Variants in DGKG observed in about 807,000 individuals in gnomAD.
DGKG encodes the protein DAG kinase gamma.
In DGKG, 78 loss-of-function variants were observed where a neutral mutation model predicts 105.3. The observed-to-expected ratio is 0.74, with a 90% CI of 0.62 to 0.89. The LOEUF (loss-of-function observed/expected upper bound fraction) is 0.89, where lower values mean the gene tolerates loss of function less well. DGKG is among the 40% of genes least tolerant of loss of function. The pLI, the probability that DGKG is intolerant of heterozygous loss-of-function variation, is 0.00. For missense variants in DGKG, 958 were observed against 1,020.1 expected, an observed-to-expected ratio of 0.94 and a Z score of 0.83; for synonymous variants, 346 against 367.1, an observed-to-expected ratio of 0.94 and a Z score of 0.66.
intron 1 of DGKG, among the ~76,000 whole-genome samples, chr3:186,339,449 G>C (rs1725985275): frequency 6.6e-6 from 1 of 152,110 alleles, no homozygotes; most frequent in African/African-American, 2.4e-5. Context: ...CCGGAGAGAG[G>C]AACTACTAAA....
At chr3:186,161,963 T>G (rs1302328707) in intron 23 of DGKG, among the ~76,000 whole-genome samples, 1 of 152,008 alleles carries the variant, frequency 6.6e-6, no homozygotes, top group Admixed American at 6.6e-5. Flanking sequence ...GGCATGATCT[T>G]GGCTCACTGC....
chr3:186,316,841 G>A (rs981379325), intron 2 of DGKG, among the ~76,000 whole-genome samples: 1 of 152,244 alleles, frequency 6.6e-6, no homozygotes, highest in Non-Finnish European at 1.5e-5. Context: ...TGTTTATGTG[G>A]TTACGGAAGA....
Position 186,275,538 on chromosome 3 carries a change from T to C in DGKG, c.910+9A>G. The C allele has an allele frequency of 6.8e-6, 11 of 1,611,958 alleles. No individual in the cohort carries two copies. Among genetic ancestry groups the C allele is most frequent in the Non-Finnish European group, 9.3e-6 (11 of 1,178,080 alleles). On this transcript the variant is annotated intron_variant, in intron 10 of 24. Transcript: ENST00000265022. ...CCTGGGGGAAGAGGTTTGAAGGAAATTTACTCACAAGTGCAGCACAGGCCT... is the reference window on the plus strand; with the variant it reads ...CCTGGGGGAAGAGGTTTGAAGGAAACTTACTCACAAGTGCAGCACAGGCCT...
intron 1 of DGKG, among the ~76,000 whole-genome samples, chr3:186,353,183 A>G (rs1726719419): frequency 6.6e-6 from 1 of 152,046 alleles, no homozygotes; most frequent in Non-Finnish European, 1.5e-5. Flanking sequence ...CCTAGGTCCA[A>G]TACCTTCCCA....
At position 186,284,252 on chromosome 3, in the gene DGKG, G is replaced by C. The variant is rs1023969605; in HGVS notation, c.594+408C>G. On this transcript the variant is annotated intron_variant, in intron 7 of 24. Coordinates refer to ENST00000265022, the MANE Select transcript of DGKG (RefSeq NM_001346.3). The surrounding 1 kb of genome is among the most constrained non-coding windows in gnomAD (Gnocchi z 4.0). ...GCAGTAACCAGCAGCCTCCTTCCTT[G>C]CACATCAACAGTAACCAGCAGCCTC... Among the ~76,000 whole-genome samples the C allele has an allele frequency of 6.6e-6, 1 of 152,062 alleles. No homozygotes were observed. Among genetic ancestry groups the C allele is most frequent in the Non-Finnish European group, 1.5e-5 (1 of 68,006 alleles).
intron 22 of DGKG, among the ~76,000 whole-genome samples, chr3:186,182,004 A>AGGG (rs1717381108): frequency 6.6e-6 from 1 of 152,244 alleles, no homozygotes; most frequent in Non-Finnish European, 1.5e-5. Context: ...ATAGCTCCCC[A>AGGG]GGACTTTGCT....
At chr3:186,307,939 T>C (rs539509382) in intron 2 of DGKG, among the ~76,000 whole-genome samples, 2 of 151,472 alleles carry the variant, frequency 1.3e-5, no homozygotes, top group East Asian at 3.9e-4. Flanking sequence ...ATTGAGCTAC[T>C]CATTCTGACA....
chr3:186,149,236 G>GT lies in DGKG; in HGVS notation c.*853dup, dbSNP rs112666920. ...TTGAAAAAGAAAGAAGCTGGGGGTG[G>GT]TTTTTTTTTTCCTTCCCTTTTTACA... On this transcript the variant is annotated 3_prime_UTR_variant, in exon 25 of 25. Transcript: ENST00000265022. 2.3e-3 allele frequency: 2,072 copies of GT among 905,910 alleles called. No individual in the cohort carries two copies. Among genetic ancestry groups the GT allele is most frequent in the South Asian group, 3.1e-3 (61 of 19,610 alleles). 56.1% of individuals were successfully genotyped at this position (905,910 alleles called of 1,614,324 possible).
Position 186,313,423 on chromosome 3 carries a change from G to A in DGKG, c.68-6446C>T, listed in dbSNP as rs970412448. 1.3e-5 allele frequency: 11 copies of A among 850,152 alleles called. No homozygotes were observed. The South Asian group carries it at 3.8e-4, about 29-fold the overall frequency. The allele number at this position is 850,152 out of a possible 1,614,324, so 52.7% of individuals were successfully genotyped here. A position where few individuals can be genotyped will look rare whatever the true frequency, so the allele number is the denominator to read the frequency against. ...TTGTCATAAATGATCTGAATCACTG[G>A]TATGACTTATTTGTGTAAGTAAAAT... On this transcript the variant is annotated intron_variant, in intron 2 of 24. Transcript: ENST00000265022.
intron 12 of DGKG, 103 bp from the exon 13 acceptor site, chr3:186,267,880 C>G: frequency 9.9e-7 from 1 of 1,009,888 alleles, no homozygotes; most frequent in Non-Finnish European, 1.5e-6. Context: ...TAGTGCTCCC[C>G]CAAATCCTGA....
At chr3:186,161,211 AAG>A in intron 24 of DGKG, 1 of 994,440 alleles carries the variant, frequency 1.0e-6, no homozygotes, top group Non-Finnish European at 1.2e-6. Flanking sequence ...GCTTCCACGT[AAG>A]GAAGCAATTT....
intron 22 of DGKG, among the ~76,000 whole-genome samples, chr3:186,166,627 ATGTGTGTGTGTG>A (rs5855082): frequency 6.7e-6 from 1 of 149,808 alleles, no homozygotes; most frequent in Non-Finnish European, 1.5e-5. Flanking sequence ...TGGGCTATAA[ATGTGTGTGTGTG>A]TGTGTGTGTG....
intron 1 of DGKG, among the ~76,000 whole-genome samples, chr3:186,332,755 A>G (rs915078274): frequency 6.6e-6 from 1 of 152,208 alleles, no homozygotes; most frequent in Non-Finnish European, 1.5e-5. Context: ...TCCAAAATTC[A>G]TGTTGAAATT....
chr3:186,271,461 T>A (rs1057480634), intron 11 of DGKG, among the ~76,000 whole-genome samples: 8 of 152,192 alleles, frequency 5.3e-5, no homozygotes, highest in African/African-American at 1.9e-4. Flanking sequence ...GCAGTGAGTG[T>A]GGATCCCACC....
At chr3:186,291,595 A>AT (rs1300984811) in intron 5 of DGKG, among the ~76,000 whole-genome samples, 1 of 152,360 alleles carries the variant, frequency 6.6e-6, no homozygotes, top group East Asian at 1.9e-4. Flanking sequence ...TACAAAATGG[A>AT]TAAATCTCAA....
chr3:186,244,121 C>T (rs911032579), intron 19 of DGKG, among the ~76,000 whole-genome samples: 1 of 151,834 alleles, frequency 6.6e-6, no homozygotes, highest in East Asian at 1.9e-4. Flanking sequence ...GGTCTCGAAC[C>T]TCAGGTGATC....
At chr3:186,352,862 G>A (rs1047878479) in intron 1 of DGKG, among the ~76,000 whole-genome samples, 2 of 152,124 alleles carry the variant, frequency 1.3e-5, no homozygotes, top group African/African-American at 4.8e-5. Context: ...ATGTGGCCAC[G>A]TCAGTCCCCA....
intron 1 of DGKG, among the ~76,000 whole-genome samples, chr3:186,327,632 C>G (rs566508973): frequency 6.6e-6 from 1 of 151,680 alleles, no homozygotes; most frequent in South Asian, 2.1e-4. Context: ...AGGCTGATCT[C>G]GAACTCCTGG....
intron 1 of DGKG, among the ~76,000 whole-genome samples, chr3:186,342,835 G>A (rs1726148310): frequency 6.6e-6 from 1 of 152,100 alleles, no homozygotes; most frequent in Non-Finnish European, 1.5e-5. Context: ...AAATGGGGAA[G>A]CGTTCAAAAA....
Sources: gnomAD v4.1 joint callset for allele counts (sites outside exome capture counted in the v4.1 genomes callset) on GRCh38, gnomAD v4.1.1 for gene constraint, Gnocchi (gnomAD v3.1) non-coding constraint, MANE v1.5 for transcripts, NCBI Gene and HGNC (gene_info 2026-07-23, HGNC 2026-07-21) for gene names.